AMH: variants seen among roughly 807,000 people sequenced by gnomAD.
AMH encodes anti-Mullerian hormone.
In AMH, 39 loss-of-function variants were observed where a neutral mutation model predicts 33.3. The observed-to-expected ratio is 1.17, with a 90% CI of 0.91 to 1.53. AMH has a LOEUF of 1.53. Among genes scored for constraint, AMH ranks in the 40% most tolerant of loss-of-function variants. AMH has a pLI of 0.00. For missense variants in AMH, 1,019 were observed against 799.8 expected, an observed-to-expected ratio of 1.27 and a Z score of -3.30; for synonymous variants, 536 against 403.0, an observed-to-expected ratio of 1.33 and a Z score of -3.95.
rs759994294 is a variant in AMH, at chr19:2,249,539, C to T, written c.207C>T (p.Pro69=). Residue 69 remains proline, a synonymous_variant, in exon 1 of 5, where the codon CCC becomes CCT. Transcript: ENST00000221496. The stretch of plus-strand genomic sequence containing the variant: ...GGGACAGCAATGGCAGCAGCTCCCC[C>T]CTGCGGGTGGTGGGGGCTCTAAGCG... ...LGGDSNGSSS[P]LRVVGALSAY... 7.5e-6 allele frequency: 12 copies of T among 1,596,156 alleles called. No individual in the cohort carries two copies. The highest frequency in any genetic ancestry group is 4.5e-5 in the South Asian group (4 of 89,104).
Position 2,251,452 on chromosome 19 carries a change from T to C in AMH, c.1178T>C (p.Leu393Pro). Reference sequence around the variant, plus strand: ...GCGGCGGCTGCCGAGCTGCGAAGCCTCCCGGGTCTGCCTCCGGCCACAGCC... The same window carrying C: ...GCGGCGGCTGCCGAGCTGCGAAGCCCCCCGGGTCTGCCTCCGGCCACAGCC... ...LQAAAAELRS[L>P]PGLPPATAPL... is the part of the protein sequence containing the mutation. The change falls in exon 5 of 5, where the codon CTC becomes CCC. Residue 393 changes from leucine to proline, a missense_variant. By Grantham distance (98) the Leu-to-Pro change is moderately conservative (BLOSUM62 -3). Transcript: ENST00000221496. 7.0e-7 allele frequency: 1 copy of C among 1,433,052 alleles called. No homozygotes were observed. The highest frequency in any genetic ancestry group is 9.1e-7 in the Non-Finnish European group (1 of 1,098,180). 88.8% of individuals were successfully genotyped at this position (1,433,052 alleles called of 1,614,324 possible).
In AMH at chr19:2,250,646, C is replaced by T; in HGVS notation, c.556-6C>T. On this transcript the variant is annotated splice_polypyrimidine_tract_variant and splice_region_variant and intron_variant, in intron 2 of 4. Transcript: ENST00000221496. ...ATCCAGCCGGGCTGAGCCCTGGTCTCCGCAGAGCCTCTGCCCCTCCCGAGA... is the reference window on the plus strand; with the variant it reads ...ATCCAGCCGGGCTGAGCCCTGGTCTTCGCAGAGCCTCTGCCCCTCCCGAGA... The T allele has an allele frequency of 6.5e-7, 1 of 1,538,826 alleles. No homozygotes were observed. Among genetic ancestry groups the T allele is most frequent in the Non-Finnish European group, 8.7e-7 (1 of 1,146,796 alleles).
In AMH at chr19:2,251,979, T is replaced by A. The variant is rs912602747; in HGVS notation, c.*22T>A. The A allele has an allele frequency of 3.4e-5, 52 of 1,535,664 alleles. No homozygotes were observed. The highest frequency in any genetic ancestry group is 4.5e-5 in the Non-Finnish European group (52 of 1,147,920). ...GTGACCCCTGCGCCGCGCGGACTCC[T>A]GCCCCGAGGGTCCGGACGCGCCCCA... On this transcript the variant is annotated 3_prime_UTR_variant, in exon 5 of 5. Transcript: ENST00000221496.
rs1385933183 is a variant in AMH at position 2,250,675 on chromosome 19, C to T, written c.579C>T (p.Thr193=). The T allele has an allele frequency of 1.3e-6, 2 of 1,539,778 alleles. No individual in the cohort carries two copies. Among genetic ancestry groups the T allele is most frequent in the Non-Finnish European group, 8.7e-7 (1 of 1,147,302 alleles). The stretch of plus-strand genomic sequence containing the variant: ...AGAGCCTCTGCCCCTCCCGAGACAC[C>T]CGCTACCTGGTGTTAGCGGTGGACC... ...GAQSLCPSRD[T]RYLVLAVDRP... Residue 193 remains threonine, a synonymous_variant, in exon 3 of 5, where the codon ACC becomes ACT. Coordinates refer to ENST00000221496, the MANE Select transcript of AMH (RefSeq NM_000479.5).
Position 2,251,429 on chromosome 19 carries a change from G to A in AMH, c.1155G>A (p.Ala385=), listed in dbSNP as rs1191472256. 5.9e-5 allele frequency: 85 copies of A among 1,440,262 alleles called. No individual in the cohort carries two copies. The highest frequency in any genetic ancestry group is 6.9e-5 in the Non-Finnish European group (76 of 1,102,320). 89.2% of individuals were successfully genotyped at this position (1,440,262 alleles called of 1,614,324 possible). A position where few individuals can be genotyped will look rare whatever the true frequency, so the allele number is the denominator to read the frequency against. ...GCCGCGTGGCTGCTGAACTGCAAGC[G>A]GCGGCTGCCGAGCTGCGAAGCCTCC... is the stretch of plus-strand genomic sequence containing the variant. ...LARRVAAELQ[A]AAAELRSLPG... Residue 385 remains alanine (A), a synonymous_variant, in exon 5 of 5, where the codon GCG becomes GCA. Coordinates refer to ENST00000221496, the MANE Select transcript of AMH (RefSeq NM_000479.5).
Position 2,251,031 on chromosome 19 carries a change from G to A in AMH, c.824+23G>A, listed in dbSNP as rs776344517. 6.6e-6 allele frequency: 10 copies of A among 1,518,080 alleles called. No individual in the cohort carries two copies. The African/African-American group carries it at 8.5e-5, about 13-fold the overall frequency. The allele number at this position is 1,518,080 out of a possible 1,614,324, so 94.0% of individuals were successfully genotyped here. A position where few individuals can be genotyped will look rare whatever the true frequency, so the allele number is the denominator to read the frequency against. Reference sequence around the variant, plus strand: ...CAGGTGCGCGCAGGCACCGGGACACGGGGCAGGAGCGGGCGGGGGCGGCGT... The same window carrying A: ...CAGGTGCGCGCAGGCACCGGGACACAGGGCAGGAGCGGGCGGGGGCGGCGT... On this transcript the variant is annotated intron_variant, in intron 4 of 4. Transcript: ENST00000221496.
rs776905069 is a variant in AMH at position 2,249,704 on chromosome 19, C to T, written c.372C>T (p.Asp124=). 2.0e-6 allele frequency: 3 copies of T among 1,504,772 alleles called. No homozygotes were observed. Among genetic ancestry groups the T allele is most frequent in the Non-Finnish European group, 2.7e-6 (3 of 1,132,032 alleles). The allele number at this position is 1,504,772 out of a possible 1,614,324, so 93.2% of individuals were successfully genotyped here. A position where few individuals can be genotyped will look rare whatever the true frequency, so the allele number is the denominator to read the frequency against. ...GGCGGCTGGGGGCCTGGCTGCGGGA[C>T]CCTGGGGGGCAGCGCCTGGTGGTCC... is the stretch of plus-strand genomic sequence containing the variant. ...SLRRLGAWLR[D]PGGQRLVVLH... The change falls in exon 1 of 5, where the codon GAC becomes GAT. Residue 124 remains aspartate, a synonymous_variant. Coordinates refer to ENST00000221496, the MANE Select transcript of AMH (RefSeq NM_000479.5).
chr19:2,250,061 C>T, intron 1 of AMH: 1 of 625,294 alleles, frequency 1.6e-6, no homozygotes, highest in Middle Eastern at 4.3e-4. Flanking sequence ...GTTCTCAGGG[C>T]CGCTGGCCTA....
Position 2,249,737 on chromosome 19 carries a change from G to A in AMH, c.405G>A (p.Leu135=). ...GGCAGCGCCTGGTGGTCCTACACCTGGAGGAAGGTATGTGGGGCCCAGCCC... is the reference window on the plus strand; with the variant it reads ...GGCAGCGCCTGGTGGTCCTACACCTAGAGGAAGGTATGTGGGGCCCAGCCC... ...PGGQRLVVLH[L]EEVTWEPTPS... is the part of the protein sequence containing the mutation. The change falls in exon 1 of 5, where the codon CTG becomes CTA. Residue 135 remains leucine, a synonymous_variant. Coordinates refer to ENST00000221496, the MANE Select transcript of AMH (RefSeq NM_000479.5). 1 of 1,503,782 alleles carries A rather than the reference G, an allele frequency of 6.6e-7. No homozygotes were observed. Among genetic ancestry groups the A allele is most frequent in the Non-Finnish European group, 8.8e-7 (1 of 1,131,414 alleles). The allele number at this position is 1,503,782 out of a possible 1,614,324, so 93.2% of individuals were successfully genotyped here. A position where few individuals can be genotyped will look rare whatever the true frequency, so the allele number is the denominator to read the frequency against.
At chr19:2,249,839 C>A in intron 1 of AMH, 95 bp downstream of exon 1, 1 of 1,348,302 alleles carries the variant, frequency 7.4e-7, no homozygotes, top group Non-Finnish European at 9.8e-7. Context: ...GAGCCCCCAC[C>A]CTGGGCAGGG....
rs756456416 is a variant in AMH at position 2,251,714 on chromosome 19, C to G, written c.1440C>G (p.Pro480=). Residue 480 remains proline, a synonymous_variant, in exon 5 of 5, where the codon CCC becomes CCG. Coordinates refer to ENST00000221496, the MANE Select transcript of AMH (RefSeq NM_000479.5). ...GCGCCGAGCGCTCCGTACTCATCCC[C>G]GAGACCTACCAGGCCAACAATTGCC... ...DLRAERSVLI[P]ETYQANNCQG... 5.0e-6 allele frequency: 8 copies of G among 1,611,678 alleles called. No homozygotes were observed. In the Admixed American group the frequency reaches 1.2e-4, roughly 24 times the overall value.
Position 2,251,746 on chromosome 19 carries a change from T to C in AMH, c.1472T>C (p.Val491Ala). ...TACCAGGCCAACAATTGCCAGGGCG[T>C]GTGCGGCTGGCCTCAGTCCGACCGC... is the stretch of plus-strand genomic sequence containing the variant. ...ETYQANNCQG[V>A]CGWPQSDRNP... The change falls in exon 5 of 5, where the codon GTG becomes GCG. Residue 491 changes from valine (V) to alanine (A), a missense_variant. Transcript: ENST00000221496. 1 of 1,611,706 alleles carries C rather than the reference T, an allele frequency of 6.2e-7. No homozygotes were observed. Among genetic ancestry groups the C allele is most frequent in the Non-Finnish European group, 8.5e-7 (1 of 1,179,620 alleles).
intron 4 of AMH, 27 bp from the exon 5 acceptor site, chr19:2,251,072 C>G: frequency 6.5e-7 from 1 of 1,534,890 alleles, no homozygotes; most frequent in African/African-American, 1.4e-5. Context: ...CGTGGCCGCT[C>G]TCAACTCCTC....
At chr19:2,250,150 C>T (rs1010123654) in intron 1 of AMH, 187 bp from the exon 2 acceptor site, 54 of 987,534 alleles carry the variant, frequency 5.5e-5, no homozygotes, top group Non-Finnish European at 7.8e-5. Context: ...CCCACAGCCT[C>T]AGACGCAGCC....
At position 2,251,784 on chromosome 19, in the gene AMH, G is replaced by C; in HGVS notation, c.1510G>C (p.Gly504Arg). 1.2e-6 allele frequency: 2 copies of C among 1,610,286 alleles called. No homozygotes were observed. Among genetic ancestry groups the C allele is most frequent in the Non-Finnish European group, 1.7e-6 (2 of 1,179,512 alleles). The change falls in exon 5 of 5, where the codon GGC becomes CGC. Residue 504 changes from glycine to arginine, a missense_variant. By Grantham distance (125) the Gly-to-Arg change is moderately radical (BLOSUM62 -2). Coordinates refer to ENST00000221496, the MANE Select transcript of AMH (RefSeq NM_000479.5). ...TCAGTCCGACCGCAACCCGCGCTAC[G>C]GCAACCACGTGGTGCTGCTGCTGAA... ...WPQSDRNPRY[G>R]NHVVLLLKMQ...
At chr19:2,249,866 C>T in intron 1 of AMH, 122 bp downstream of exon 1, 1 of 1,205,516 alleles carries the variant, frequency 8.3e-7, no homozygotes, top group South Asian at 1.7e-5. Context: ...TGGTCTTGTT[C>T]CTAGGACTGG....
At position 2,251,754 on chromosome 19, in the gene AMH, T is replaced by C; in HGVS notation, c.1480T>C (p.Trp494Arg). 2 of 1,611,534 alleles carry C rather than the reference T, an allele frequency of 1.2e-6. No homozygotes were observed. The highest frequency in any genetic ancestry group is 1.1e-5 in the South Asian group (1 of 91,074). ...CAACAATTGCCAGGGCGTGTGCGGC[T>C]GGCCTCAGTCCGACCGCAACCCGCG... The part of the protein sequence containing the change: ...QANNCQGVCG[W>R]PQSDRNPRYG... The change falls in exon 5 of 5, where the codon TGG becomes CGG. Residue 494 changes from tryptophan to arginine, a missense_variant. By Grantham distance (101) the Trp-to-Arg change is moderately radical. Transcript: ENST00000221496.
chr19:2,251,066 G>A (rs1196797230), intron 4 of AMH, 33 bp from the exon 5 acceptor site: 18 of 1,531,752 alleles, frequency 1.2e-5, no homozygotes, highest in Non-Finnish European at 1.6e-5. Context: ...TGGCCTCGTG[G>A]CCGCTCTCAA....
intron 1 of AMH, 115 bp from the exon 2 acceptor site, chr19:2,250,222 T>C: frequency 6.7e-7 from 1 of 1,489,586 alleles, no homozygotes; most frequent in Non-Finnish European, 9.0e-7. Context: ...GGGGCACCCT[T>C]GTCCCCCGCT....
Sources: allele counts gnomAD v4.1 joint callset, GRCh38; gene constraint gnomAD v4.1.1; transcripts MANE v1.5; gene names NCBI Gene and HGNC (gene_info 2026-07-23, HGNC 2026-07-21).